GSG1L: variants seen among roughly 807,000 people sequenced by gnomAD.
GSG1L encodes the protein germ cell-specific gene 1-like protein.
In GSG1L, 24 loss-of-function variants were observed where a neutral mutation model predicts 42.1. The ratio of observed to expected loss-of-function variants is 0.57; its 90% CI spans 0.41 to 0.80. The LOEUF (loss-of-function observed/expected upper bound fraction) is 0.80. GSG1L is among the 30% of genes least tolerant of loss of function. The pLI, the probability that GSG1L is intolerant of heterozygous loss-of-function variation, is 0.00. For missense variants in GSG1L, 445 were observed against 472.2 expected (o/e 0.94, Z 0.53); for synonymous variants, 215 against 203.5 (o/e 1.06, Z -0.48).
chr16:27,875,895 A>G (rs1171472577), intron 3 of GSG1L, among the ~76,000 whole-genome samples: 3 of 152,178 alleles, frequency 2.0e-5, no homozygotes, highest in East Asian at 1.9e-4. Flanking sequence ...TGAGAATGAT[A>G]CTAACACAGA....
At position 27,808,141 on chromosome 16, in the gene GSG1L, G is replaced by A. The variant is rs917662519; in HGVS notation, c.831-587C>T. Among the ~76,000 whole-genome samples, 5 of 151,732 alleles carry A rather than the reference G, an allele frequency of 3.3e-5. No homozygotes were observed. The South Asian group carries it at 6.2e-4, about 19-fold the overall frequency. ...ACTCTGTCGCCCAGGCTGGAGTGTA[G>A]TAGCACAATCGGAGCTTGCTGCAGC... On this transcript the variant is annotated intron_variant, in intron 5 of 6. Transcript: ENST00000447459.
chr16:27,876,556 T>C (rs2083889944), intron 3 of GSG1L, among the ~76,000 whole-genome samples: 1 of 152,228 alleles, frequency 6.6e-6, no homozygotes, highest in African/African-American at 2.4e-5. Flanking sequence ...GCAAATTTGC[T>C]TTCCTAAGAA....
chr16:27,911,708 C>A (rs899257441), intron 2 of GSG1L, among the ~76,000 whole-genome samples: 1 of 152,158 alleles, frequency 6.6e-6, no homozygotes, highest in Non-Finnish European at 1.5e-5. Context: ...ATGGTTTTGT[C>A]CTCCACTCCT....
chr16:27,888,971 T>G (rs1466631306), intron 2 of GSG1L, among the ~76,000 whole-genome samples: 1 of 137,968 alleles, frequency 7.2e-6, no homozygotes, highest in African/African-American at 2.7e-5. Flanking sequence ...GATATAGATA[T>G]AGATAGATAT....
At position 27,926,518 on chromosome 16, in the gene GSG1L, A is replaced by C. The variant is rs529923429; in HGVS notation, c.397+36638T>G. On this transcript the variant is annotated intron_variant, in intron 2 of 6. Coordinates refer to ENST00000447459, the MANE Select transcript of GSG1L (RefSeq NM_001109763.2). ...ATCCTATCTGTGCTGAAAAAAAAAAAACAAAAAAACAAAAAAACAAAACTA... is the reference window on the plus strand; with the variant it reads ...ATCCTATCTGTGCTGAAAAAAAAAACACAAAAAAACAAAAAAACAAAACTA... Among the ~76,000 whole-genome samples, 1,463 of 151,604 alleles carry C rather than the reference A, an allele frequency of 9.7e-3. 14 individuals carry two copies. Among genetic ancestry groups the C allele is most frequent in the African/African-American group, 0.032 (1,344 of 41,354 alleles).
intron 1 of GSG1L, among the ~76,000 whole-genome samples, chr16:27,979,753 A>AGAAAGAAG (rs2085302382): frequency 7.4e-6 from 1 of 135,586 alleles, no homozygotes; most frequent in Non-Finnish European, 1.6e-5. Flanking sequence ...AAGAAAGGAA[A>AGAAAGAAG]GAAAGAAAGA....
At chr16:27,874,441 CTTTTTTTT>C (rs71140916) in intron 3 of GSG1L, among the ~76,000 whole-genome samples, 19 of 94,472 alleles carry the variant, frequency 2.0e-4, no homozygotes, top group Non-Finnish European at 2.9e-4. Flanking sequence ...ACAGGAGAGC[CTTTTTTTT>C]TTTTTTTTTT....
chr16:27,917,964 G>T (rs2084477886), intron 2 of GSG1L, among the ~76,000 whole-genome samples: 1 of 152,042 alleles, frequency 6.6e-6, no homozygotes, highest in African/African-American at 2.4e-5. Context: ...CTGATTTTTA[G>T]CAAATCCTTC....
intron 2 of GSG1L, among the ~76,000 whole-genome samples, chr16:27,905,482 C>T (rs1005386895): frequency 7.9e-5 from 12 of 151,958 alleles, no homozygotes; most frequent in African/African-American, 2.9e-4. Flanking sequence ...TGCTGCCTGG[C>T]TAATTTTATT....
intron 1 of GSG1L, among the ~76,000 whole-genome samples, chr16:27,991,605 A>C (rs897630361): frequency 6.6e-6 from 1 of 151,894 alleles, no homozygotes; most frequent in African/African-American, 2.4e-5. Context: ...AGGTTTCGCC[A>C]TGTTGGTCAG....
chr16:28,039,615 ACAAG>A (rs887452936), intron 1 of GSG1L, among the ~76,000 whole-genome samples: 1 of 151,776 alleles, frequency 6.6e-6, no homozygotes, highest in African/African-American at 2.4e-5. Flanking sequence ...ACACACACAC[ACAAG>A]CAGACATGTA....
chr16:27,832,494 T>G (rs705924), intron 4 of GSG1L, among the ~76,000 whole-genome samples: 5 of 152,068 alleles, frequency 3.3e-5, no homozygotes, highest in African/African-American at 1.2e-4. Flanking sequence ...ATTGGCTTTT[T>G]TTCACCCAAC....
chr16:28,000,523 T>C (rs1438252568), intron 1 of GSG1L, among the ~76,000 whole-genome samples: 2 of 152,148 alleles, frequency 1.3e-5, no homozygotes, highest in East Asian at 3.9e-4. Context: ...ATCCATTTAT[T>C]TATAAGCATC....
At chr16:27,854,630 C>T (rs1381321704) in intron 3 of GSG1L, among the ~76,000 whole-genome samples, 1 of 152,130 alleles carries the variant, frequency 6.6e-6, no homozygotes. Context: ...GTGATGTCCA[C>T]CTGTGCCCAC....
intron 1 of GSG1L, among the ~76,000 whole-genome samples, chr16:28,044,554 T>C (rs2086141885): frequency 6.6e-6 from 1 of 151,488 alleles, no homozygotes; most frequent in Admixed American, 6.6e-5. Context: ...ACCCAGACGA[T>C]GGCATGTATT....
intron 1 of GSG1L, among the ~76,000 whole-genome samples, chr16:28,015,653 T>C (rs55935179): frequency 0.023 from 3,526 of 152,322 alleles, 144 homozygotes; most frequent in African/African-American, 0.08. Flanking sequence ...TCATGATTAG[T>C]ATGTAAGGGA....
chr16:27,822,262 A>G lies in GSG1L; in HGVS notation c.830+6527T>C, dbSNP rs543706650. 7.2e-5 allele frequency among the ~76,000 whole-genome samples: 11 copies of G among 152,338 alleles called. No homozygotes were observed. In the East Asian group the frequency reaches 1.9e-3, roughly 27 times the overall value. Reference sequence around the variant, plus strand: ...GCGAGTTACCTGGGGACTCACAGCTAGTAAACTGCGAAGTTAATTCCAACC... The same window carrying G: ...GCGAGTTACCTGGGGACTCACAGCTGGTAAACTGCGAAGTTAATTCCAACC... On this transcript the variant is annotated intron_variant, in intron 5 of 6. Transcript: ENST00000447459.
At chr16:27,835,965 C>A (rs1267297294) in intron 4 of GSG1L, among the ~76,000 whole-genome samples, 1 of 152,078 alleles carries the variant, frequency 6.6e-6, no homozygotes. Context: ...ATTCAAAACC[C>A]CTTTTTAAAA....
chr16:27,847,271 A>G (rs762258561), intron 3 of GSG1L, among the ~76,000 whole-genome samples: 1 of 152,118 alleles, frequency 6.6e-6, no homozygotes, highest in Non-Finnish European at 1.5e-5. Flanking sequence ...GGAATTCCCA[A>G]CCGGTGTGGT....
Sources: gnomAD v4.1 joint callset for allele counts (sites outside exome capture counted in the v4.1 genomes callset) on GRCh38, gnomAD v4.1.1 for gene constraint, MANE v1.5 for transcripts, NCBI Gene and HGNC (gene_info 2026-07-23, HGNC 2026-07-21) for gene names.